Variants in MRPL37 observed in about 807,000 individuals in gnomAD.
MRPL37 encodes the protein mitochondrial ribosomal protein L37, also known as large ribosomal subunit protein mL37.
Under a neutral mutation model 44.1 loss-of-function variants are expected in MRPL37, and 34 were observed. The observed-to-expected ratio is 0.77, with a 90% CI of 0.59 to 1.03. MRPL37 has a LOEUF of 1.03. Ranked by LOEUF, MRPL37 falls within the 50% of genes least tolerant of loss-of-function variation. The probability of loss-of-function intolerance (pLI) is 0.00; values close to 1 mark genes in which losing one functional copy is unlikely to be tolerated. For synonymous variants in MRPL37, 212 were observed against 219.5 expected (o/e 0.97, Z 0.30); for missense variants, 532 against 543.7 (o/e 0.98, Z 0.21).
downstream of MRPL37, among the ~76,000 whole-genome samples, chr1:54,223,652 C>T (rs1049854867): frequency 1.3e-5 from 2 of 152,200 alleles, no homozygotes; most frequent in African/African-American, 4.8e-5. Context: ...ACCTCTGGCC[C>T]CCCAGGCCGG....
chr1:54,218,628 C>T (rs1477651021), downstream of MRPL37, among the ~76,000 whole-genome samples: 1 of 152,232 alleles, frequency 6.6e-6, no homozygotes, highest in East Asian at 1.9e-4. Flanking sequence ...CGCTGATGGT[C>T]ACTAGGTTCT....
rs541613362 is a variant in MRPL37, at chr1:54,204,837, G to A, written c.347-181G>A. ...AGGTGGTCATTCCTGAAGGTGAGTT[G>A]AAATCTGACTTTCTTAGCTTCTGGT... On this transcript the variant is annotated intron_variant, in intron 1 of 6. Transcript: ENST00000360840. Among the ~76,000 whole-genome samples, 106 of 152,326 alleles carry A rather than the reference G, an allele frequency of 7.0e-4. 1 individual carries two copies. Among genetic ancestry groups the A allele is most frequent in the Non-Finnish European group, 1.2e-3 (82 of 68,024 alleles).
In MRPL37 at chr1:54,216,300, CA is replaced by C; in HGVS notation, c.1151del (p.Gln384ArgfsTer8). On this transcript the variant is annotated frameshift_variant, in exon 6 of 7. Transcript: ENST00000360840. LOFTEE classifies it high-confidence loss of function. Reference sequence around the variant, plus strand: ...GGTGGACTCAGACCAGCTCCTCTATCAGCATTTTTGGTGTCTCCCAGTGATC... The same window carrying C: ...GGTGGACTCAGACCAGCTCCTCTATCGCATTTTTGGTGTCTCCCAGTGATC... ...AWVDSDQLLY[Q>X]HFWCLPVIKK... The C allele has an allele frequency of 6.2e-7, 1 of 1,614,172 alleles. No individual in the cohort carries two copies. Among genetic ancestry groups the C allele is most frequent in the Non-Finnish European group, 8.5e-7 (1 of 1,180,042 alleles).
At chr1:54,221,702 G>GCACA (rs149889044), downstream of MRPL37, among the ~76,000 whole-genome samples, 9 of 151,760 alleles carry the variant, frequency 5.9e-5, no homozygotes, top group Non-Finnish European at 8.8e-5. Context: ...TCAGACATGT[G>GCACA]CACACACACA....
At position 54,216,230 on chromosome 1, in the gene MRPL37, T is replaced by C. The variant is rs1017232914; in HGVS notation, c.1080T>C (p.Asn360=). 6.2e-7 allele frequency: 1 copy of C among 1,614,224 alleles called. No individual in the cohort carries two copies. Among genetic ancestry groups the C allele is most frequent in the Non-Finnish European group, 8.5e-7 (1 of 1,180,042 alleles). The change falls in exon 6 of 7, where the codon AAT becomes AAC. Residue 360 remains asparagine (N), a synonymous_variant. Coordinates refer to ENST00000360840, the MANE Select transcript of MRPL37 (RefSeq NM_016491.4). Reference sequence around the variant, plus strand: ...TCCATTTCCTAGTGTTTCAACTGAATACCACAGACCTGGACTGTAACGAGG... The same window carrying C: ...TCCATTTCCTAGTGTTTCAACTGAACACCACAGACCTGGACTGTAACGAGG... ...RVFHFLVFQL[N]TTDLDCNEGV...
intron 1 of MRPL37, 74 bp from the exon 2 acceptor site, chr1:54,204,944 A>G (rs1286224591): frequency 2.0e-6 from 3 of 1,504,364 alleles, no homozygotes; most frequent in African/African-American, 2.8e-5. Flanking sequence ...CTAAGATGCT[A>G]CCTGGCAGGT....
At position 54,212,664 on chromosome 1, in the gene MRPL37, T is replaced by C; in HGVS notation, c.990+6T>C. On this transcript the variant is annotated splice_donor_region_variant and intron_variant, in intron 5 of 6. Coordinates refer to ENST00000360840, the MANE Select transcript of MRPL37 (RefSeq NM_016491.4). Reference sequence around the variant, plus strand: ...AGGCCCGGCTCCTCTATGGGGTATGTAGGTGGAGAAGACCACTGAGTTGCT... The same window carrying C: ...AGGCCCGGCTCCTCTATGGGGTATGCAGGTGGAGAAGACCACTGAGTTGCT... 6.2e-7 allele frequency: 1 copy of C among 1,614,134 alleles called. No homozygotes were observed. The highest frequency in any genetic ancestry group is 2.2e-5 in the East Asian group (1 of 44,880).
chr1:54,217,195 C>T (rs1270972367), intron 6 of MRPL37, among the ~76,000 whole-genome samples: 1 of 152,220 alleles, frequency 6.6e-6, no homozygotes, highest in Non-Finnish European at 1.5e-5. Context: ...AATGGAGTCG[C>T]TGAGCCTTTG....
At position 54,216,183 on chromosome 1, in the gene MRPL37, G is replaced by A. The variant is rs369065705; in HGVS notation, c.1033G>A (p.Val345Met). The A allele has an allele frequency of 2.7e-5, 44 of 1,614,118 alleles. No homozygotes were observed. Among genetic ancestry groups the A allele is most frequent in the Middle Eastern group, 1.6e-4 (1 of 6,084 alleles). The part of the protein sequence containing the change: ...VLEQPVVVQS[V>M]GTDGRVFHFL... ...GGAGCAGCCCGTGGTGGTGCAGAGC[G>A]TGGGCACGGATGGACGTGTCTTCCA... The change falls in exon 6 of 7, where the codon GTG (valine) becomes ATG (methionine). Residue 345 changes from valine to methionine, a missense_variant. Val to Met is a conservative substitution (Grantham distance 21). Coordinates refer to ENST00000360840, the MANE Select transcript of MRPL37 (RefSeq NM_016491.4).
downstream of MRPL37, among the ~76,000 whole-genome samples, chr1:54,224,618 C>A (rs558292862): frequency 1.3e-5 from 2 of 152,306 alleles, no homozygotes; most frequent in Admixed American, 1.3e-4. Context: ...ATGGGCTGAG[C>A]CTGCCCTTTG....
At chr1:54,213,569 A>C (rs376578964) in intron 5 of MRPL37, among the ~76,000 whole-genome samples, 47 of 152,302 alleles carry the variant, frequency 3.1e-4, no homozygotes, top group African/African-American at 1.1e-3. Context: ...TAAAAAAAAA[A>C]ATCAGTGGTT....
At chr1:54,210,705 T>C (rs1644157659) in intron 4 of MRPL37, among the ~76,000 whole-genome samples, 1 of 152,196 alleles carries the variant, frequency 6.6e-6, no homozygotes, top group African/African-American at 2.4e-5. Flanking sequence ...CTGTAGCATC[T>C]TCCTCATAAA....
chr1:54,205,345 A>G lies in MRPL37; in HGVS notation c.581A>G (p.Lys194Arg), dbSNP rs896390230. The change falls in exon 3 of 7, where the codon AAG becomes AGG. Residue 194 changes from lysine to arginine, a missense_variant. By Grantham distance (26) the Lys-to-Arg change is conservative (BLOSUM62 2). Transcript: ENST00000360840. The stretch of plus-strand genomic sequence containing the variant: ...CAGCTGTGTAAATCTCAGATTCTCA[A>G]GCATCCTTCTCTGGCCAGGAGGATC... ...LIQLCKSQIL[K>R]HPSLARRICV... 2.5e-6 allele frequency: 4 copies of G among 1,614,034 alleles called. No homozygotes were observed. The highest frequency in any genetic ancestry group is 2.7e-5 in the African/African-American group (2 of 74,906).
At chr1:54,206,094 ATTTATTTATTTATTTAT>A (rs1644119755) in intron 3 of MRPL37, among the ~76,000 whole-genome samples, 1 of 150,664 alleles carries the variant, frequency 6.6e-6, no homozygotes, top group Non-Finnish European at 1.5e-5. Flanking sequence ...ATTTTTGTTT[ATTTATTTATTTATTTAT>A]TTTATTTATT....
At chr1:54,220,034 C>T (rs1644222330), downstream of MRPL37, among the ~76,000 whole-genome samples, 1 of 152,116 alleles carries the variant, frequency 6.6e-6, no homozygotes, top group African/African-American at 2.4e-5. Flanking sequence ...TGGGTAAGTT[C>T]CTAGCAGTGG....
In MRPL37 at chr1:54,200,331, G is replaced by C. The variant is rs950177013; in HGVS notation, c.88G>C (p.Ala30Pro). Reference protein sequence around the residue: ...LGGFGAPRRGAYEWGVRSTRK... With the variant: ...LGGFGAPRRGPYEWGVRSTRK... Reference sequence around the variant, plus strand: ...GGGCTTCGGGGCCCCGAGACGCGGGGCGTATGAGTGGGGCGTGCGCTCCAC... The same window carrying C: ...GGGCTTCGGGGCCCCGAGACGCGGGCCGTATGAGTGGGGCGTGCGCTCCAC... The change falls in exon 1 of 7, where the codon GCG becomes CCG. Residue 30 changes from alanine to proline, a missense_variant. Ala to Pro is a conservative substitution (Grantham distance 27). Coordinates refer to ENST00000360840, the MANE Select transcript of MRPL37 (RefSeq NM_016491.4). 6.2e-7 allele frequency: 1 copy of C among 1,613,964 alleles called. No individual in the cohort carries two copies. Among genetic ancestry groups the C allele is most frequent in the South Asian group, 1.1e-5 (1 of 91,084 alleles).
At chr1:54,223,332 T>A (rs1021240655), downstream of MRPL37, among the ~76,000 whole-genome samples, 2 of 152,154 alleles carry the variant, frequency 1.3e-5, no homozygotes, top group African/African-American at 4.8e-5. Flanking sequence ...CAGTTCAGGG[T>A]CAGAGCCCTC....
chr1:54,224,533 G>A (rs2100525440), downstream of MRPL37, among the ~76,000 whole-genome samples: 1 of 152,282 alleles, frequency 6.6e-6, no homozygotes, highest in South Asian at 2.1e-4. Context: ...TTTGCCCAAG[G>A]CCACACAGCA....
rs1644070919 is a variant in MRPL37 at position 54,200,470 on chromosome 1, C to T, written c.227C>T (p.Pro76Leu). Residue 76 changes from proline to leucine, a missense_variant, in exon 1 of 7, where the codon CCG becomes CTG. Pro to Leu is a moderately conservative substitution (Grantham distance 98, BLOSUM62 -3). Transcript: ENST00000360840. ...FVPWLARPIF[P>L]PWDRGYKDPR... ...CCCTGGCTGGCGCGGCCGATCTTTCCGCCCTGGGACCGCGGCTACAAGGAC... is the reference window on the plus strand; with the variant it reads ...CCCTGGCTGGCGCGGCCGATCTTTCTGCCCTGGGACCGCGGCTACAAGGAC... 2 of 1,614,128 alleles carry T rather than the reference C, an allele frequency of 1.2e-6. No individual in the cohort carries two copies. The highest frequency in any genetic ancestry group is 2.7e-5 in the African/African-American group (2 of 74,952).
Sources: allele counts gnomAD v4.1 joint callset (sites outside exome capture counted in the v4.1 genomes callset), GRCh38; gene constraint gnomAD v4.1.1; transcripts MANE v1.5; gene names NCBI Gene and HGNC (gene_info 2026-07-23, HGNC 2026-07-21).